MRGPRX1: variants seen among roughly 807,000 people sequenced by gnomAD.
MRGPRX1 encodes MAS related GPR family member X1, also known as mas-related G protein-coupled receptor member X1.
For synonymous variants in MRGPRX1, 208 were observed against 170.4 expected (o/e 1.22, Z -1.72); for missense variants, 411 against 393.8 (o/e 1.04, Z -0.37).
Position 18,935,562 on chromosome 11 carries a change from ATGAT to A in MRGPRX1, c.-25-757_-25-754del, listed in dbSNP as rs1457836503. ...GACAGCTCTATCTGTGTTGAGAAGA[ATGAT>A]TGATGAGTGCCCAAAACCTGAAATT... On this transcript the variant is annotated intron_variant, in intron 1 of 1. Coordinates refer to ENST00000526914, the MANE Select transcript of MRGPRX1 (RefSeq NM_001393578.1). 2.6e-5 allele frequency among the ~76,000 whole-genome samples: 4 copies of A among 151,544 alleles called. No individual in the cohort carries two copies. The Admixed American group carries it at 2.6e-4, about 10-fold the overall frequency.
In MRGPRX1 at chr11:18,934,754, C is replaced by A. The variant is rs1475475025; in HGVS notation, c.31G>T (p.Glu11Ter). The A allele has an allele frequency of 6.3e-7, 1 of 1,595,540 alleles. No individual in the cohort carries two copies. Residue 11 changes from glutamate to a stop codon, truncating the protein, a stop_gained, in exon 2 of 2, where the codon GAA becomes TAA. Coordinates refer to ENST00000526914, the MANE Select transcript of MRGPRX1 (RefSeq NM_001393578.1). LOFTEE classifies it low-confidence loss of function (END_TRUNC). The part of the protein sequence containing the change: MDPTISTLDT[E>*]LTPINGTEET... ...TCAGTTCCGTTGATTGGTGTCAGTT[C>A]TGTGTCCAAGGTTGAGATGGTTGGA... is the stretch of plus-strand genomic sequence containing the variant.
Position 18,933,891 on chromosome 11 carries a change from C to A in MRGPRX1, c.894G>T (p.Ala298=), listed in dbSNP as rs374955450. 6.8e-6 allele frequency: 11 copies of A among 1,610,842 alleles called. No homozygotes were observed. The highest frequency in any genetic ancestry group is 1.7e-5 in the Admixed American group (1 of 59,392). Residue 298 remains alanine, a synonymous_variant, in exon 2 of 2, where the codon GCG becomes GCT. Transcript: ENST00000526914. ...KLVLQRALQD[A]SEVDEGGGQL... ...GCCCTCCACCTTCATCCACCTCAGA[C>A]GCGTCCTGCAGAGCCCTCTGGAGAA...
chr11:18,937,935 A>G (rs768245614), intron 1 of MRGPRX1, among the ~76,000 whole-genome samples: 11 of 151,648 alleles, frequency 7.3e-5, no homozygotes, highest in Non-Finnish European at 1.3e-4. Flanking sequence ...GACAGGAATC[A>G]ATCACCTGTA....
intron 1 of MRGPRX1, among the ~76,000 whole-genome samples, chr11:18,937,230 AT>A (rs1456980377): frequency 6.6e-6 from 1 of 151,250 alleles, no homozygotes; most frequent in Admixed American, 6.6e-5. Flanking sequence ...TCATGCTGAA[AT>A]GCTGGTGTGG....
rs367640618 is a variant in MRGPRX1, at chr11:18,934,676, C to A, written c.109G>T (p.Val37Phe). Residue 37 changes from valine to phenylalanine, a missense_variant, in exon 2 of 2, where the codon GTT (valine) becomes TTT (phenylalanine). Transcript: ENST00000526914. Reference protein sequence around the residue: ...TLSLTVLTCIVSLVGLTGNAV... With the variant: ...TLSLTVLTCIFSLVGLTGNAV... The stretch of plus-strand genomic sequence containing the variant: ...TTTCCTGTCAGCCCGACAAGGGAAA[C>A]GATGCACGTCAGCACCGTGAGGCTC... The A allele has an allele frequency of 2.5e-6, 4 of 1,610,732 alleles. No homozygotes were observed. The African/African-American group carries it at 5.3e-5, about 22-fold the overall frequency.
Position 18,934,808 on chromosome 11 carries a change from C to T in MRGPRX1, c.-24G>A. ...ATGCTCAGAAACCCTAGTCTGGTGA[C>T]CCTGGAAACAGAAACCAGTTGTGAT... On this transcript the variant is annotated splice_region_variant and 5_prime_UTR_variant, in exon 2 of 2. Coordinates refer to ENST00000526914, the MANE Select transcript of MRGPRX1 (RefSeq NM_001393578.1). The T allele has an allele frequency of 3.3e-6, 5 of 1,535,938 alleles. No homozygotes were observed. Among genetic ancestry groups the T allele is most frequent in the East Asian group, 2.3e-5 (1 of 44,068 alleles).
intron 1 of MRGPRX1, among the ~76,000 whole-genome samples, chr11:18,935,479 T>G (rs1848833379): frequency 6.6e-6 from 1 of 151,528 alleles, no homozygotes; most frequent in Non-Finnish European, 1.5e-5. Context: ...TGTAAGTTAT[T>G]AGAACACCCA....
chr11:18,934,832 A>T, intron 1 of MRGPRX1, 23 bp from the exon 2 acceptor site: 1 of 1,521,484 alleles, frequency 6.6e-7, no homozygotes, highest in Non-Finnish European at 8.8e-7. Context: ...ACCAGTTGTG[A>T]TCACCAGCTG....
rs1848808786 is a variant in MRGPRX1 at position 18,933,688 on chromosome 11, A to G, written c.*128T>C. The G allele has an allele frequency of 6.2e-6, 9 of 1,449,066 alleles. No individual in the cohort carries two copies. In the South Asian group the frequency reaches 8.7e-5, roughly 14 times the overall value. 89.8% of individuals were successfully genotyped at this position (1,449,066 alleles called of 1,614,324 possible). ...CAACTGTCAGGTTAGATAAACATCT[A>G]TTTGAAGACCTTGAGGAACCACTGA... On this transcript the variant is annotated 3_prime_UTR_variant, in exon 2 of 2. Transcript: ENST00000526914.
At position 18,934,440 on chromosome 11, in the gene MRGPRX1, G is replaced by C. The variant is rs766378365; in HGVS notation, c.345C>G (p.Ala115=). 19 of 1,610,432 alleles carry C rather than the reference G, an allele frequency of 1.2e-5. No individual in the cohort carries two copies. Among genetic ancestry groups the C allele is most frequent in the South Asian group, 2.2e-5 (2 of 90,744 alleles). The change falls in exon 2 of 2, where the codon GCC becomes GCG. Residue 115 remains alanine, a synonymous_variant. Coordinates refer to ENST00000526914, the MANE Select transcript of MRGPRX1 (RefSeq NM_001393578.1). ...SYFAGLSFLS[A]VSTERCLSVL... is the part of the protein sequence containing the mutation. ...CGGACAGGCAGCGCTCGGTGCTCACGGCACTCAGAAAGCTCAGGCCTGCAA... is the reference window on the plus strand; with the variant it reads ...CGGACAGGCAGCGCTCGGTGCTCACCGCACTCAGAAAGCTCAGGCCTGCAA...
At chr11:18,938,556 C>T (rs1260597181) in intron 1 of MRGPRX1, among the ~76,000 whole-genome samples, 1 of 151,572 alleles carries the variant, frequency 6.6e-6, no homozygotes, top group African/African-American at 2.4e-5. Context: ...CCCTCCAACA[C>T]TGGGAATTAC....
chr11:18,939,194 T>C (rs1465150602), intron 1 of MRGPRX1, 86 bp downstream of exon 1: 1 of 151,672 alleles, frequency 6.6e-6, no homozygotes, highest in Admixed American at 6.6e-5. Context: ...CATGATCCCC[T>C]GCCTGTAGCA....
chr11:18,938,530 C>T (rs1236398425), intron 1 of MRGPRX1, among the ~76,000 whole-genome samples: 1 of 151,528 alleles, frequency 6.6e-6, no homozygotes, highest in East Asian at 1.9e-4. Flanking sequence ...TATTTAATCA[C>T]CTCCCACCAG....
intron 1 of MRGPRX1, among the ~76,000 whole-genome samples, chr11:18,937,875 G>A (rs1261979292): frequency 1.3e-5 from 2 of 151,610 alleles, no homozygotes; most frequent in Non-Finnish European, 2.9e-5. Context: ...AGAAGTGACA[G>A]TAGAGAAAGA....
rs58160348 is a variant in MRGPRX1 at position 18,935,858 on chromosome 11, C to G, written c.-25-1049G>C. 8.1e-3 allele frequency among the ~76,000 whole-genome samples: 1,221 copies of G among 151,358 alleles called. 28 individuals carry two copies. Among genetic ancestry groups the G allele is most frequent in the African/African-American group, 0.028 (1,169 of 41,288 alleles). Reference sequence around the variant, plus strand: ...TCTTTCTTTCAGGAGATCTTTGGTTCGTTTCTTTGTTGATGCAAACATTTG... The same window carrying G: ...TCTTTCTTTCAGGAGATCTTTGGTTGGTTTCTTTGTTGATGCAAACATTTG... On this transcript the variant is annotated intron_variant, in intron 1 of 1. Coordinates refer to ENST00000526914, the MANE Select transcript of MRGPRX1 (RefSeq NM_001393578.1).
At position 18,935,117 on chromosome 11, in the gene MRGPRX1, A is replaced by G. The variant is rs992920261; in HGVS notation, c.-25-308T>C. 7.5e-5 allele frequency: 18 copies of G among 241,508 alleles called. 1 individual carries two copies. The highest frequency in any genetic ancestry group is 5.5e-4 in the Admixed American group (11 of 20,078). The allele number at this position is 241,508 out of a possible 1,614,324, so 15.0% of individuals were successfully genotyped here. On this transcript the variant is annotated intron_variant, in intron 1 of 1. Coordinates refer to ENST00000526914, the MANE Select transcript of MRGPRX1 (RefSeq NM_001393578.1). The stretch of plus-strand genomic sequence containing the variant: ...ATGATTACTCTATCCTGGGCCTGAA[A>G]TTTTCTCTCAGGGGGAGGAATTCAG...
intron 1 of MRGPRX1, 186 bp from the exon 2 acceptor site, chr11:18,934,995 C>T (rs143374728): frequency 8.3e-6 from 5 of 600,488 alleles, no homozygotes; most frequent in South Asian, 3.2e-5. Flanking sequence ...GACTCTGAAG[C>T]CTGACCTCTC....
At position 18,934,166 on chromosome 11, in the gene MRGPRX1, G is replaced by A. The variant is rs750840278; in HGVS notation, c.619C>T (p.Arg207Trp). ...VLLIRILCGS[R>W]KIPLTRLYVT... ...TACAGCCTGGTCAGCGGTATCTTCC[G>A]GGATCCACAGAGAATCCTGATCAGC... The change falls in exon 2 of 2, where the codon CGG becomes TGG. Residue 207 changes from arginine to tryptophan, a missense_variant. Coordinates refer to ENST00000526914, the MANE Select transcript of MRGPRX1 (RefSeq NM_001393578.1). 4 of 1,610,838 alleles carry A rather than the reference G, an allele frequency of 2.5e-6. No individual in the cohort carries two copies. The East Asian group carries it at 8.9e-5, about 36-fold the overall frequency.
chr11:18,937,312 T>C (rs975350510), intron 1 of MRGPRX1, among the ~76,000 whole-genome samples: 2 of 151,346 alleles, frequency 1.3e-5, no homozygotes, highest in African/African-American at 4.8e-5. Flanking sequence ...TTTTTGGAAT[T>C]CTGATGTACG....
Sources: gnomAD v4.1 joint callset for allele counts (sites outside exome capture counted in the v4.1 genomes callset) on GRCh38, gnomAD v4.1.1 for gene constraint, MANE v1.5 for transcripts, NCBI Gene and HGNC (gene_info 2026-07-23, HGNC 2026-07-21) for gene names.